Variants in THSD7B observed in about 807,000 individuals in gnomAD.
The protein encoded by THSD7B is thrombospondin type-1 domain-containing protein 7B.
In THSD7B, 138 loss-of-function variants were observed where a neutral mutation model predicts 213.6. The ratio of observed to expected loss-of-function variants is 0.65; its 90% CI spans 0.56 to 0.74. The LOEUF (loss-of-function observed/expected upper bound fraction) is 0.74. Ranked by LOEUF, THSD7B falls within the 30% of genes least tolerant of loss-of-function variation. The probability of loss-of-function intolerance (pLI) is 0.00; values close to 1 mark genes in which losing one functional copy is unlikely to be tolerated. For synonymous variants in THSD7B, 742 were observed against 687.0 expected (o/e 1.08, Z -1.25); for missense variants, 1,931 against 1,991.5 (o/e 0.97, Z 0.58).
intron 25 of THSD7B, among the ~76,000 whole-genome samples, chr2:137,662,803 C>A (rs1425905430): frequency 1.3e-5 from 2 of 151,994 alleles, no homozygotes; most frequent in African/African-American, 4.8e-5. Context: ...ACCTGTAATC[C>A]CAGCACTTTG....
chr2:137,608,056 T>C (rs1682217616), intron 17 of THSD7B, among the ~76,000 whole-genome samples: 1 of 152,184 alleles, frequency 6.6e-6, no homozygotes, highest in South Asian at 2.1e-4. Context: ...GTCCCGTTAA[T>C]ACTAACACAT....
At chr2:136,847,695 C>T (rs543462973) in intron 1 of THSD7B, among the ~76,000 whole-genome samples, 33 of 152,244 alleles carry the variant, frequency 2.2e-4, no homozygotes, top group South Asian at 1.9e-3. Flanking sequence ...TTTCTGTCAG[C>T]GCCCACCAAG....
intron 27 of THSD7B, among the ~76,000 whole-genome samples, chr2:137,670,677 T>C (rs1683544104): frequency 6.6e-6 from 1 of 152,118 alleles, no homozygotes; most frequent in African/African-American, 2.4e-5. Context: ...ATCCCAGCAC[T>C]TTGGGAGGCC....
At chr2:137,546,435 T>TTATATATTA (rs1558834395) in intron 15 of THSD7B, among the ~76,000 whole-genome samples, 590 of 32,728 alleles carry the variant, frequency 0.018, 102 homozygotes, top group South Asian at 0.055. Context: ...TATATATATA[T>TTATATATTA]TATATATATT....
chr2:137,463,248 T>C (rs1350108926), intron 15 of THSD7B, among the ~76,000 whole-genome samples: 1 of 152,192 alleles, frequency 6.6e-6, no homozygotes, highest in Non-Finnish European at 1.5e-5. Flanking sequence ...ACAGAAATTG[T>C]GGTTGCTTTT....
chr2:136,916,634 A>G (rs1393518529), intron 2 of THSD7B, among the ~76,000 whole-genome samples: 1 of 152,102 alleles, frequency 6.6e-6, no homozygotes, highest in Non-Finnish European at 1.5e-5. Context: ...TAGAAAATGT[A>G]TTTTCCCCGC....
intron 17 of THSD7B, among the ~76,000 whole-genome samples, chr2:137,608,565 G>A (rs767002153): frequency 2.8e-4 from 42 of 152,238 alleles, no homozygotes; most frequent in Non-Finnish European, 4.0e-4. Flanking sequence ...CACCTAGCTC[G>A]TTGGGAGGTT....
intron 17 of THSD7B, among the ~76,000 whole-genome samples, chr2:137,598,719 T>C (rs1682013391): frequency 6.6e-6 from 1 of 152,214 alleles, no homozygotes; most frequent in Admixed American, 6.5e-5. Context: ...ATCACTTGAA[T>C]AGCATTTATA....
chr2:137,628,937 C>T (rs1474140290), intron 20 of THSD7B, among the ~76,000 whole-genome samples: 2 of 152,168 alleles, frequency 1.3e-5, no homozygotes, highest in Non-Finnish European at 2.9e-5. Context: ...TACATGGAAC[C>T]TCTCACCATC....
intron 1 of THSD7B, among the ~76,000 whole-genome samples, chr2:136,818,265 G>A (rs10202674): frequency 0.14 from 20,179 of 140,448 alleles, 1,553 homozygotes; most frequent in Middle Eastern, 0.3. Context: ...GATGAAATTG[G>A]AAATCATCAT....
intron 20 of THSD7B, among the ~76,000 whole-genome samples, chr2:137,636,536 C>T (rs983209319): frequency 1.6e-4 from 25 of 152,214 alleles, no homozygotes; most frequent in Admixed American, 6.5e-5. Context: ...AAAATAAACC[C>T]ACTTTCATTC....
At chr2:137,027,256 C>A (rs1263821095) in intron 2 of THSD7B, among the ~76,000 whole-genome samples, 1 of 152,130 alleles carries the variant, frequency 6.6e-6, no homozygotes, top group Non-Finnish European at 1.5e-5. Context: ...ATGGCTCTTT[C>A]TCGCTTAGAG....
chr2:137,237,545 C>T (rs1193507511), intron 9 of THSD7B, among the ~76,000 whole-genome samples: 1 of 152,182 alleles, frequency 6.6e-6, no homozygotes, highest in African/African-American at 2.4e-5. Context: ...ACCATCAAGG[C>T]ACTCAAAATT....
At chr2:136,792,422 A>G (rs949556135) in intron 1 of THSD7B, among the ~76,000 whole-genome samples, 1 of 151,992 alleles carries the variant, frequency 6.6e-6, no homozygotes, top group Non-Finnish European at 1.5e-5. Flanking sequence ...ACTATTGTGT[A>G]TGAAACAATA....
At chr2:136,808,073 C>G (rs1237802657) in intron 1 of THSD7B, among the ~76,000 whole-genome samples, 1 of 152,174 alleles carries the variant, frequency 6.6e-6, no homozygotes, top group Non-Finnish European at 1.5e-5. Context: ...TTTTATTCTT[C>G]TCCCTTTGCT....
intron 12 of THSD7B, among the ~76,000 whole-genome samples, chr2:137,344,097 T>A (rs578157694): frequency 1.9e-4 from 29 of 151,842 alleles, no homozygotes; most frequent in African/African-American, 7.0e-4. Flanking sequence ...CAAATCCTAT[T>A]GTCAGCTGCA....
intron 15 of THSD7B, among the ~76,000 whole-genome samples, chr2:137,546,376 AATATATATATTATATATATTATATATATT>A (rs1680713897): frequency 4.5e-5 from 2 of 44,362 alleles, no homozygotes; most frequent in Non-Finnish European, 7.7e-5. Context: ...ATATATATAT[AATATATATATTATATATATTATATATATT>A]ATATATATAT....
intron 2 of THSD7B, among the ~76,000 whole-genome samples, chr2:137,043,131 G>T (rs1372121804): frequency 2.0e-5 from 3 of 152,176 alleles, no homozygotes; most frequent in African/African-American, 7.2e-5. Flanking sequence ...ATACATGGTG[G>T]TGATTATTAT....
chr2:137,026,624 T>G (rs1379184155), intron 2 of THSD7B, among the ~76,000 whole-genome samples: 1 of 152,194 alleles, frequency 6.6e-6, no homozygotes, highest in East Asian at 1.9e-4. Flanking sequence ...TTATGTATCC[T>G]TCTTGAGTCT....
Sources: gnomAD v4.1 joint callset for allele counts (sites outside exome capture counted in the v4.1 genomes callset) on GRCh38, gnomAD v4.1.1 for gene constraint, MANE v1.5 for transcripts, NCBI Gene and HGNC (gene_info 2026-07-23, HGNC 2026-07-21) for gene names.